The following IFT122 variants were observed in gnomAD, a reference collection of about 807,000 sequenced individuals.
IFT122 encodes the protein intraflagellar transport 122.
A neutral mutation model predicts 161.6 loss-of-function variants in IFT122; 118 were observed. The ratio of observed to expected loss-of-function variants is 0.73; its 90% CI spans 0.63 to 0.85. The LOEUF is 0.85. Among genes scored for constraint, IFT122 ranks in the 40% least tolerant of loss-of-function variants. IFT122 has a pLI of 0.00. For missense variants in IFT122, 1,381 were observed against 1,579.6 expected, an observed-to-expected ratio of 0.87 and a Z score of 2.13; for synonymous variants, 550 against 602.4, an observed-to-expected ratio of 0.91 and a Z score of 1.27.
intron 16 of IFT122, among the ~76,000 whole-genome samples, chr3:129,489,758 G>A (rs1171561063): frequency 1.3e-5 from 2 of 151,410 alleles, no homozygotes; most frequent in Admixed American, 1.3e-4. Flanking sequence ...AGAATGGCGT[G>A]AACCTGGGAG....
At chr3:129,448,532 A>G (rs1455234011) in intron 1 of IFT122, among the ~76,000 whole-genome samples, 1 of 152,160 alleles carries the variant, frequency 6.6e-6, no homozygotes, top group Non-Finnish European at 1.5e-5. Context: ...TTACGTGGCC[A>G]GCGCCATGTT....
intron 24 of IFT122, chr3:129,512,623 T>C (rs1051903933): frequency 1.5e-5 from 9 of 605,874 alleles, no homozygotes; most frequent in East Asian, 1.1e-4. Flanking sequence ...TTTTCAGGGC[T>C]CTCTGAGCTG....
intron 24 of IFT122, chr3:129,513,424 A>G (rs949743603): frequency 2.6e-5 from 4 of 152,262 alleles, no homozygotes; most frequent in South Asian, 2.1e-4. Flanking sequence ...TTCCAGGCCC[A>G]TTATGTACAT....
At chr3:129,494,676 G>A (rs2080611666) in intron 17 of IFT122, among the ~76,000 whole-genome samples, 1 of 131,164 alleles carries the variant, frequency 7.6e-6, no homozygotes, top group South Asian at 3.1e-4. Flanking sequence ...CTTTATCCTA[G>A]CTGTGCTAAG....
intron 15 of IFT122, 139 bp from the exon 16 acceptor site, chr3:129,488,114 CAGGG>C (rs2079540719): frequency 1.5e-6 from 2 of 1,362,484 alleles, no homozygotes; most frequent in Non-Finnish European, 2.1e-6. Context: ...GCAGGCTGGG[CAGGG>C]TGCTGATTGG....
intron 3 of IFT122, among the ~76,000 whole-genome samples, chr3:129,455,659 G>T (rs181168926): frequency 2.6e-5 from 4 of 152,100 alleles, no homozygotes; most frequent in African/African-American, 9.6e-5. Context: ...TAAAAAATCT[G>T]CATGTAATTT....
intron 26 of IFT122, 55 bp downstream of exon 26, chr3:129,515,654 C>T (rs1222980305): frequency 1.4e-6 from 2 of 1,452,606 alleles, no homozygotes; most frequent in East Asian, 2.3e-5. Flanking sequence ...CAGCCAGGCT[C>T]ACTCCACTGC....
Position 129,488,306 on chromosome 3 carries a change from A to T in IFT122, c.1901A>T (p.Tyr634Phe). The change falls in exon 16 of 30, where the codon TAC (tyrosine) becomes TTC (phenylalanine). Residue 634 changes from tyrosine (Y) to phenylalanine (F), a missense_variant. By Grantham distance (22) the Tyr-to-Phe change is conservative. Transcript: ENST00000348417. ...YLDRKLFKEA[Y>F]QIACLGVTDT... The stretch of plus-strand genomic sequence containing the variant: ...GATAGGAAACTGTTCAAGGAAGCCT[A>T]CCAGATTGCTTGCTTGGGTGTCACA... 1 of 1,614,176 alleles carries T rather than the reference A, an allele frequency of 6.2e-7. No homozygotes were observed. Among genetic ancestry groups the T allele is most frequent in the Non-Finnish European group, 8.5e-7 (1 of 1,180,034 alleles).
chr3:129,483,760 T>C, intron 15 of IFT122, 78 bp downstream of exon 15: 1 of 1,337,076 alleles, frequency 7.5e-7, no homozygotes, highest in Non-Finnish European at 1.0e-6. Flanking sequence ...TGCTGGTGCT[T>C]TGGGGAGAGA....
In IFT122 at chr3:129,495,511, G is replaced by A. The variant is rs2080727218; in HGVS notation, c.2112G>A (p.Gly704=). ...LFLADVFSYQ[G]KFHEAAKLYK... ...TGGCAGATGTGTTTTCCTACCAGGG[G>A]AAGTTCCATGAGGCCGCCAAACTGT... is the stretch of plus-strand genomic sequence containing the variant. The change falls in exon 18 of 30, where the codon GGG becomes GGA. Residue 704 remains glycine (G), a synonymous_variant. Transcript: ENST00000348417. The A allele has an allele frequency of 6.2e-7, 1 of 1,614,200 alleles. No individual in the cohort carries two copies. The highest frequency in any genetic ancestry group is 8.5e-7 in the Non-Finnish European group (1 of 1,180,044).
chr3:129,519,809 G>A (rs1394731741), intron 29 of IFT122, 77 bp downstream of exon 29: 12 of 1,557,654 alleles, frequency 7.7e-6, no homozygotes, highest in South Asian at 2.2e-5. Flanking sequence ...TCTGGGAGGC[G>A]TGGCCCCTGG....
At chr3:129,508,186 C>CA (rs1385062734) in intron 23 of IFT122, among the ~76,000 whole-genome samples, 1 of 152,274 alleles carries the variant, frequency 6.6e-6, no homozygotes, top group Non-Finnish European at 1.5e-5. Flanking sequence ...CTCTGTCCCT[C>CA]AGTTTCCTTC....
In IFT122 at chr3:129,470,265, TA is replaced by T. The variant is rs1456274894; in HGVS notation, c.816+849del. Among the ~76,000 whole-genome samples the T allele has an allele frequency of 3.3e-5, 5 of 152,048 alleles. No individual in the cohort carries two copies. The East Asian group carries it at 9.6e-4, about 29-fold the overall frequency. On this transcript the variant is annotated intron_variant, in intron 9 of 29. Coordinates refer to ENST00000348417, the MANE Select transcript of IFT122 (RefSeq NM_052989.3). ...TTATTTATTTATTTATTTATTTATT[TA>T]TTTTTAATTTTTTTCGAGATGGAGT...
chr3:129,473,870 C>T (rs1480834503), intron 9 of IFT122, among the ~76,000 whole-genome samples: 1 of 152,198 alleles, frequency 6.6e-6, no homozygotes, highest in Non-Finnish European at 1.5e-5. Flanking sequence ...CAGTTTCTGC[C>T]TGCTTTTGGT....
intron 9 of IFT122, among the ~76,000 whole-genome samples, chr3:129,469,827 C>T (rs2077178402): frequency 6.6e-6 from 1 of 152,162 alleles, no homozygotes; most frequent in Non-Finnish European, 1.5e-5. Context: ...TCAGGAAAGC[C>T]CTTTCATAAA....
intron 5 of IFT122, among the ~76,000 whole-genome samples, chr3:129,462,934 G>T (rs2076342484): frequency 6.6e-6 from 1 of 152,116 alleles, no homozygotes; most frequent in African/African-American, 2.4e-5. Context: ...AAGCATCATT[G>T]TTATTTTAAA....
At chr3:129,449,602 C>T (rs2074495578) in intron 1 of IFT122, among the ~76,000 whole-genome samples, 1 of 152,204 alleles carries the variant, frequency 6.6e-6, no homozygotes, top group African/African-American at 2.4e-5. Context: ...ATACCCTCAA[C>T]AGTTGACCCT....
chr3:129,455,150 T>G (rs1169029011), intron 3 of IFT122, among the ~76,000 whole-genome samples: 7 of 152,068 alleles, frequency 4.6e-5, no homozygotes, highest in African/African-American at 1.7e-4. Flanking sequence ...TGTTTCTGAT[T>G]TCTCCTTTAA....
chr3:129,468,335 C>T (rs190730951), intron 8 of IFT122, among the ~76,000 whole-genome samples: 1 of 152,168 alleles, frequency 6.6e-6, no homozygotes, highest in East Asian at 1.9e-4. Context: ...GCCTCAAGGG[C>T]TAGGAATGCT....
Sources: allele counts gnomAD v4.1 joint callset (sites outside exome capture counted in the v4.1 genomes callset), GRCh38; gene constraint gnomAD v4.1.1; transcripts MANE v1.5; gene names NCBI Gene and HGNC (gene_info 2026-07-23, HGNC 2026-07-21).